Variants in PKIB observed in about 807,000 individuals in gnomAD.
PKIB encodes cAMP-dependent protein kinase inhibitor beta.
In PKIB, 2 loss-of-function variants were observed where a neutral mutation model predicts 4.5. The ratio of observed to expected loss-of-function variants is 0.44; its 90% CI spans 0.18 to 1.39. PKIB has a LOEUF of 1.39. PKIB is among the 40% of genes most tolerant of loss of function. The pLI, the probability that PKIB is intolerant of heterozygous loss-of-function variation, is 0.27. For synonymous variants in PKIB, 38 were observed against 36.0 expected (o/e 1.06, Z -0.20); for missense variants, 94 against 92.6 (o/e 1.02, Z -0.06).
intron 3 of PKIB, among the ~76,000 whole-genome samples, chr6:122,586,358 CTA>C (rs1773848165): frequency 6.6e-6 from 1 of 152,112 alleles, no homozygotes; most frequent in Non-Finnish European, 1.5e-5. Context: ...TTTAATGTAA[CTA>C]TATTTTCTAT....
intron 3 of PKIB, among the ~76,000 whole-genome samples, chr6:122,684,279 CT>C (rs1358915642): frequency 6.6e-6 from 1 of 152,074 alleles, no homozygotes; most frequent in Non-Finnish European, 1.5e-5. Context: ...AACATTGTAC[CT>C]TAGTCAACAA....
chr6:122,698,759 A>G (rs1488997492), intron 3 of PKIB, among the ~76,000 whole-genome samples: 2 of 152,196 alleles, frequency 1.3e-5, no homozygotes, highest in Non-Finnish European at 2.9e-5. Context: ...CACTAGTGAA[A>G]TTAAAGAAAA....
At chr6:122,536,650 G>C (rs1161428035) in intron 2 of PKIB, among the ~76,000 whole-genome samples, 1 of 151,896 alleles carries the variant, frequency 6.6e-6, no homozygotes, top group Non-Finnish European at 1.5e-5. Context: ...AAATATGTTG[G>C]AAAGAATAGA....
At chr6:122,700,168 C>CTGTTGTTGTTGTTGT (rs151151718) in intron 3 of PKIB, among the ~76,000 whole-genome samples, 1 of 149,538 alleles carries the variant, frequency 6.7e-6, no homozygotes, top group East Asian at 2.0e-4. Context: ...TTTTAGGGTT[C>CTGTTGTTGTTGTTGT]TGTTGTTGTT....
At chr6:122,504,163 C>T (rs976176167) in intron 2 of PKIB, among the ~76,000 whole-genome samples, 2 of 152,072 alleles carry the variant, frequency 1.3e-5, no homozygotes, top group East Asian at 3.9e-4. Context: ...TTTTATGAGG[C>T]TTTATTACTG....
chr6:122,535,797 GA>G (rs1777389128), intron 2 of PKIB, among the ~76,000 whole-genome samples: 1 of 152,156 alleles, frequency 6.6e-6, no homozygotes, highest in African/African-American at 2.4e-5. Context: ...TTCAAAATAA[GA>G]ATCATGACAT....
intron 1 of PKIB, among the ~76,000 whole-genome samples, chr6:122,625,608 A>T (rs1190723756): frequency 6.6e-6 from 1 of 152,114 alleles, no homozygotes; most frequent in Non-Finnish European, 1.5e-5. Flanking sequence ...ACTGCACTCC[A>T]GCCTGGGCAA....
intron 3 of PKIB, among the ~76,000 whole-genome samples, chr6:122,703,490 G>A (rs887745290): frequency 1.3e-5 from 2 of 151,776 alleles, no homozygotes; most frequent in Non-Finnish European, 2.9e-5. Context: ...TTTACTATGA[G>A]AAAACATATG....
intron 2 of PKIB, among the ~76,000 whole-genome samples, chr6:122,536,638 T>A (rs1352635090): frequency 6.6e-6 from 1 of 152,138 alleles, no homozygotes; most frequent in African/African-American, 2.4e-5. Flanking sequence ...ATGTCCACTT[T>A]GAAATATGTT....
intron 2 of PKIB, among the ~76,000 whole-genome samples, chr6:122,669,170 A>G (rs1474365136): frequency 2.0e-5 from 3 of 152,180 alleles, no homozygotes; most frequent in African/African-American, 7.2e-5. Context: ...CTATTGTGAG[A>G]ATTTAAAAAG....
At chr6:122,704,286 A>G (rs971790528) in intron 3 of PKIB, among the ~76,000 whole-genome samples, 2 of 152,224 alleles carry the variant, frequency 1.3e-5, no homozygotes, top group Middle Eastern at 3.4e-3. Flanking sequence ...TCAGATGTTA[A>G]TCTTTTCTGG....
chr6:122,720,955 G>A (rs1281402465), intron 4 of PKIB, among the ~76,000 whole-genome samples: 1 of 152,170 alleles, frequency 6.6e-6, no homozygotes, highest in Non-Finnish European at 1.5e-5. Flanking sequence ...GCCTGCCTTG[G>A]CCTCCCAAAG....
At chr6:122,721,669 CT>C (rs1264406503) in intron 4 of PKIB, among the ~76,000 whole-genome samples, 3 of 152,022 alleles carry the variant, frequency 2.0e-5, no homozygotes, top group African/African-American at 7.2e-5. Flanking sequence ...AAAAAATAGA[CT>C]ATTATATCTG....
chr6:122,701,376 AGC>A, intron 3 of PKIB: 1 of 1,369,936 alleles, frequency 7.3e-7, no homozygotes. Context: ...CTCTAGCCTG[AGC>A]TCTGGTAAGC....
intron 3 of PKIB, 27 bp from the exon 4 acceptor site, chr6:122,717,759 CT>C: frequency 6.2e-7 from 1 of 1,608,504 alleles, no homozygotes; most frequent in Non-Finnish European, 8.5e-7. Flanking sequence ...ATAGGCTCAT[CT>C]TCTTCATATG....
intron 4 of PKIB, among the ~76,000 whole-genome samples, chr6:122,719,826 T>C (rs1779661953): frequency 6.6e-6 from 1 of 152,004 alleles, no homozygotes; most frequent in African/African-American, 2.4e-5. Context: ...CCACAATGTA[T>C]GCATGTATCA....
intron 2 of PKIB, among the ~76,000 whole-genome samples, chr6:122,662,534 G>A (rs930113750): frequency 6.6e-6 from 1 of 151,224 alleles, no homozygotes; most frequent in Non-Finnish European, 1.5e-5. Flanking sequence ...TGGACAGGCT[G>A]GTCTCGAACT....
intron 2 of PKIB, among the ~76,000 whole-genome samples, chr6:122,497,242 C>CA (rs1255534358): frequency 1.3e-5 from 2 of 152,048 alleles, no homozygotes; most frequent in Non-Finnish European, 2.9e-5. Context: ...AACATGGAAA[C>CA]AAAAAACAAT....
At chr6:122,476,122 C>G (rs1420425379) in intron 1 of PKIB, among the ~76,000 whole-genome samples, 1 of 152,068 alleles carries the variant, frequency 6.6e-6, no homozygotes, top group Non-Finnish European at 1.5e-5. Flanking sequence ...ATAATGAGGA[C>G]TGAAACATCT....
Sources: gnomAD v4.1 joint callset for allele counts (sites outside exome capture counted in the v4.1 genomes callset) on GRCh38, gnomAD v4.1.1 for gene constraint, MANE v1.5 for transcripts, NCBI Gene and HGNC (gene_info 2026-07-23, HGNC 2026-07-21) for gene names.